The following CCDC33 variants were observed in gnomAD, a reference collection of about 807,000 sequenced individuals.
CCDC33 encodes coiled-coil domain containing 33, also known as coiled-coil domain-containing protein 33.
Under a neutral mutation model 91.9 loss-of-function variants are expected in CCDC33, and 94 were observed. The ratio of observed to expected loss-of-function variants is 1.02; its 90% CI spans 0.87 to 1.21. The LOEUF is 1.21. Among genes scored for constraint, CCDC33 ranks in the 50% most tolerant of loss-of-function variants. The pLI is 0.00. For missense variants in CCDC33, 940 were observed against 935.5 expected (o/e 1.00, Z -0.06); for synonymous variants, 396 against 374.5 (o/e 1.06, Z -0.66).
chr15:74,316,201 G>A lies in CCDC33; in HGVS notation c.1291-13988G>A, dbSNP rs540534050. On this transcript the variant is annotated intron_variant, in intron 11 of 18. Transcript: ENST00000398814. The surrounding 1 kb of genome is among the most constrained non-coding windows in gnomAD (Gnocchi z 4.7). Reference sequence around the variant, plus strand: ...CCCTGGCTTCATGGGGCAGGCTCAAGTCCCTCAAGGGCGCGGCTTCCCTCC... The same window carrying A: ...CCCTGGCTTCATGGGGCAGGCTCAAATCCCTCAAGGGCGCGGCTTCCCTCC... 1.3e-5 allele frequency among the ~76,000 whole-genome samples: 2 copies of A among 152,292 alleles called. No homozygotes were observed. The highest frequency in any genetic ancestry group is 4.1e-4 in the South Asian group (2 of 4,824).
intron 11 of CCDC33, among the ~76,000 whole-genome samples, chr15:74,297,311 TG>T (rs1196835718): frequency 6.6e-6 from 1 of 152,198 alleles, no homozygotes; most frequent in Non-Finnish European, 1.5e-5. Context: ...TTTGGAGATT[TG>T]GGGCAGCATG....
At position 74,332,639 on chromosome 15, in the gene CCDC33, G is replaced by A. The variant is rs542716530; in HGVS notation, c.1772-40G>A. The A allele has an allele frequency of 3.7e-5, 59 of 1,604,572 alleles. 1 individual carries two copies. In the South Asian group the frequency reaches 5.8e-4, roughly 16 times the overall value. On this transcript the variant is annotated intron_variant, in intron 15 of 18. Coordinates refer to ENST00000398814, the MANE Select transcript of CCDC33 (RefSeq NM_025055.5). ...GATCAGGACAGGGACATGGGAAGCA[G>A]GAGAGCCCATCTCACCAACATCTGT...
intron 2 of CCDC33, chr15:74,221,521 CAA>C (rs2074597247): frequency 6.4e-6 from 1 of 156,798 alleles, no homozygotes; most frequent in South Asian, 2.0e-4. Flanking sequence ...CTAAAACAAT[CAA>C]TTCCCCTGAG....
intron 2 of CCDC33, among the ~76,000 whole-genome samples, chr15:74,248,331 T>C (rs2075601068): frequency 7.0e-6 from 1 of 143,808 alleles, no homozygotes; most frequent in East Asian, 1.9e-4. Flanking sequence ...ATATATTATA[T>C]ATAAGTTTAC....
chr15:74,280,145 T>C (rs2076554665), intron 8 of CCDC33, 53 bp downstream of exon 8: 10 of 1,605,378 alleles, frequency 6.2e-6, no homozygotes, highest in Non-Finnish European at 8.5e-6. Flanking sequence ...GAGATCTGTA[T>C]TATGAAAGGG....
intron 10 of CCDC33, among the ~76,000 whole-genome samples, chr15:74,292,721 C>T (rs953288971): frequency 1.3e-5 from 2 of 152,156 alleles, no homozygotes; most frequent in African/African-American, 4.8e-5. Flanking sequence ...GCCATGGGAG[C>T]AGATCCTGGC....
At chr15:74,249,869 C>A (rs1471006390) in intron 2 of CCDC33, among the ~76,000 whole-genome samples, 1 of 152,178 alleles carries the variant, frequency 6.6e-6, no homozygotes, top group Non-Finnish European at 1.5e-5. Flanking sequence ...CCCCTCCAGA[C>A]AACTCAGTCT....
In CCDC33 at chr15:74,334,029, G is replaced by A. The variant is rs962041100; in HGVS notation, c.2025+62G>A. The A allele has an allele frequency of 1.2e-5, 17 of 1,422,248 alleles. No homozygotes were observed. The Admixed American group carries it at 1.6e-4, about 13-fold the overall frequency. 88.1% of individuals were successfully genotyped at this position (1,422,248 alleles called of 1,614,324 possible). On this transcript the variant is annotated intron_variant, in intron 17 of 18. Coordinates refer to ENST00000398814, the MANE Select transcript of CCDC33 (RefSeq NM_025055.5). ...GCTCACCACACAGCCTATAACCAGG[G>A]CTCAGTGTGTGAGCAGAGTCTAGGC...
chr15:74,334,949 C>T (rs1429662532), intron 17 of CCDC33, 26 bp from the exon 18 acceptor site: 1 of 1,574,590 alleles, frequency 6.4e-7, no homozygotes, highest in African/African-American at 1.3e-5. Context: ...CCATGGTCCT[C>T]CAATTGTCCC....
intron 2 of CCDC33, among the ~76,000 whole-genome samples, chr15:74,261,947 G>T (rs2076035005): frequency 6.6e-6 from 1 of 152,210 alleles, no homozygotes; most frequent in Non-Finnish European, 1.5e-5. Context: ...TTTAGAACTG[G>T]GATTGCCGGG....
Position 74,244,873 on chromosome 15 carries a change from A to G in CCDC33, c.185+725A>G, listed in dbSNP as rs886070875. Among the ~76,000 whole-genome samples the G allele has an allele frequency of 3.3e-5, 5 of 152,142 alleles. No homozygotes were observed. The highest frequency in any genetic ancestry group is 7.4e-5 in the Non-Finnish European group (5 of 68,016). ...GGAGCATGTCACCCCTAGACCTTCT[A>G]TAGACAGACGGCGGGAGCCTTGGTG... On this transcript the variant is annotated intron_variant, in intron 2 of 18. Coordinates refer to ENST00000398814, the MANE Select transcript of CCDC33 (RefSeq NM_025055.5). The surrounding 1 kb of genome is among the most constrained non-coding windows in gnomAD (Gnocchi z 4.2).
intron 5 of CCDC33, 24 bp downstream of exon 5, chr15:74,268,482 G>A: frequency 6.8e-7 from 1 of 1,465,880 alleles, no homozygotes; most frequent in Non-Finnish European, 9.4e-7. Context: ...GGCCCTCTGG[G>A]GTGGTGGTGG....
chr15:74,248,920 G>A (rs901043573), intron 2 of CCDC33, among the ~76,000 whole-genome samples: 3 of 152,004 alleles, frequency 2.0e-5, no homozygotes, highest in Non-Finnish European at 4.4e-5. Context: ...CATCTTTTGC[G>A]ATCTCTCAGG....
upstream of CCDC33, among the ~76,000 whole-genome samples, chr15:74,216,517 T>C (rs1403491194): frequency 9.2e-6 from 1 of 108,634 alleles, no homozygotes; most frequent in Non-Finnish European, 1.8e-5. Context: ...TTGGGACCTG[T>C]AGCTGGGCTG....
chr15:74,315,013 C>T (rs1231255749), intron 11 of CCDC33, among the ~76,000 whole-genome samples: 1 of 152,168 alleles, frequency 6.6e-6, no homozygotes, highest in Non-Finnish European at 1.5e-5. Context: ...GTGTCTGATG[C>T]GGTGGTTTTA....
At chr15:74,258,495 G>A (rs558237805) in intron 2 of CCDC33, among the ~76,000 whole-genome samples, 1 of 152,182 alleles carries the variant, frequency 6.6e-6, no homozygotes, top group Non-Finnish European at 1.5e-5. Flanking sequence ...CAGGGCAGGT[G>A]GGGGAGGTGG....
At chr15:74,250,101 T>C (rs1475494132) in intron 2 of CCDC33, among the ~76,000 whole-genome samples, 1 of 152,160 alleles carries the variant, frequency 6.6e-6, no homozygotes, top group Non-Finnish European at 1.5e-5. Context: ...CACCAAGTCA[T>C]GTCCATGTCT....
At chr15:74,306,807 G>A (rs1406699436) in intron 11 of CCDC33, among the ~76,000 whole-genome samples, 3 of 152,286 alleles carry the variant, frequency 2.0e-5, no homozygotes, top group Admixed American at 6.5e-5. Flanking sequence ...AGGTCACTCC[G>A]GGCAGAGGCC....
In CCDC33 at chr15:74,295,839, T is replaced by C. The variant is rs960249029; in HGVS notation, c.1181T>C (p.Ile394Thr). The C allele has an allele frequency of 1.2e-6, 2 of 1,613,996 alleles. No homozygotes were observed. Among genetic ancestry groups the C allele is most frequent in the African/African-American group, 2.7e-5 (2 of 74,896 alleles). The stretch of plus-strand genomic sequence containing the variant: ...ATCCTGGATAAGAAGCTGAGAACCA[T>C]CCAAGAGTCCTGGTCCAAGGACACA... ...PKILDKKLRT[I>T]QESWSKDTVS... Residue 394 changes from isoleucine to threonine, a missense_variant, in exon 11 of 19, where the codon ATC becomes ACC. By Grantham distance (89) the Ile-to-Thr change is moderately conservative (BLOSUM62 -1). Coordinates refer to ENST00000398814, the MANE Select transcript of CCDC33 (RefSeq NM_025055.5).
Sources: gnomAD v4.1 joint callset for allele counts (sites outside exome capture counted in the v4.1 genomes callset) on GRCh38, gnomAD v4.1.1 for gene constraint, Gnocchi (gnomAD v3.1) non-coding constraint, MANE v1.5 for transcripts, NCBI Gene and HGNC (gene_info 2026-07-23, HGNC 2026-07-21) for gene names.